The following GALNTL6 variants were observed in gnomAD, a reference collection of about 807,000 sequenced individuals.
GALNTL6 encodes the protein polypeptide N-acetylgalactosaminyltransferase-like 6.
Under a neutral mutation model 73.7 loss-of-function variants are expected in GALNTL6, and 46 were observed. That is an observed-to-expected ratio of 0.62 (90% confidence interval 0.49 to 0.80). GALNTL6 has a LOEUF of 0.80. GALNTL6 is among the 30% of genes least tolerant of loss of function. GALNTL6 has a pLI of 0.00. For missense variants in GALNTL6, 604 were observed against 755.0 expected, an observed-to-expected ratio of 0.80 and a Z score of 2.34; for synonymous variants, 259 against 263.7, an observed-to-expected ratio of 0.98 and a Z score of 0.17.
intron 5 of GALNTL6, among the ~76,000 whole-genome samples, chr4:172,661,733 T>C (rs984091932): frequency 6.6e-6 from 1 of 152,178 alleles, no homozygotes. Context: ...GCTCCAGTAA[T>C]GTTCCAGGAC....
chr4:172,860,478 G>T (rs1401602936), intron 7 of GALNTL6, among the ~76,000 whole-genome samples: 3 of 152,006 alleles, frequency 2.0e-5, no homozygotes, highest in Non-Finnish European at 4.4e-5. Context: ...CAACAAAAAA[G>T]TACATTTATT....
At chr4:172,428,931 A>T (rs1474756010) in intron 5 of GALNTL6, among the ~76,000 whole-genome samples, 2 of 152,102 alleles carry the variant, frequency 1.3e-5, no homozygotes, top group Non-Finnish European at 2.9e-5. Context: ...GCTCATAAAA[A>T]ACAGAAATTT....
chr4:172,830,223 T>C (rs1358264487), intron 7 of GALNTL6, among the ~76,000 whole-genome samples: 1 of 152,202 alleles, frequency 6.6e-6, no homozygotes, highest in East Asian at 1.9e-4. Flanking sequence ...AATTCTTATA[T>C]ATAATCAGGG....
At chr4:171,941,325 A>G (rs548871539) in intron 2 of GALNTL6, among the ~76,000 whole-genome samples, 1 of 152,346 alleles carries the variant, frequency 6.6e-6, no homozygotes, top group South Asian at 2.1e-4. Flanking sequence ...TTGAAAAAAA[A>G]GAAAAATTAG....
At chr4:172,147,574 A>G (rs1028482268) in intron 2 of GALNTL6, among the ~76,000 whole-genome samples, 11 of 152,206 alleles carry the variant, frequency 7.2e-5, no homozygotes, top group Non-Finnish European at 1.6e-4. Context: ...AGAGGTGCCA[A>G]TTCTATCATT....
chr4:172,254,509 A>G (rs796530856), intron 3 of GALNTL6, among the ~76,000 whole-genome samples: 3 of 151,330 alleles, frequency 2.0e-5, no homozygotes, highest in Admixed American at 1.3e-4. Flanking sequence ...CATATCACAC[A>G]CCCATGCCCA....
At chr4:172,230,531 A>T (rs1737023178) in intron 3 of GALNTL6, among the ~76,000 whole-genome samples, 1 of 151,290 alleles carries the variant, frequency 6.6e-6, no homozygotes, top group Admixed American at 6.6e-5. Flanking sequence ...CAGTGAGCCG[A>T]GATCGCACCA....
chr4:171,817,663 A>G (rs1395756449), intron 2 of GALNTL6, among the ~76,000 whole-genome samples: 1 of 151,736 alleles, frequency 6.6e-6, no homozygotes, highest in Non-Finnish European at 1.5e-5. Flanking sequence ...ATTTTCTAAT[A>G]TTTTAAAATC....
intron 10 of GALNTL6, among the ~76,000 whole-genome samples, chr4:172,983,243 T>C (rs1425527303): frequency 6.6e-6 from 1 of 152,064 alleles, no homozygotes; most frequent in Non-Finnish European, 1.5e-5. Context: ...AAGAACGTAA[T>C]CTCCCCTAGA....
At position 172,549,331 on chromosome 4, in the gene GALNTL6, C is replaced by A. The variant is rs192774733; in HGVS notation, c.553+200642C>A. ...ATCCTACATTTTTCTGACACTCTTA[C>A]CACATTGTACTGCAAAGCAGTTTAA... On this transcript the variant is annotated intron_variant, in intron 5 of 12. Transcript: ENST00000506823. Among the ~76,000 whole-genome samples, 7 of 152,252 alleles carry A rather than the reference C, an allele frequency of 4.6e-5. No homozygotes were observed. In the South Asian group the frequency reaches 1.5e-3, roughly 32 times the overall value.
chr4:172,171,537 T>C (rs1734826081), intron 2 of GALNTL6, among the ~76,000 whole-genome samples: 1 of 151,952 alleles, frequency 6.6e-6, no homozygotes, highest in Non-Finnish European at 1.5e-5. Flanking sequence ...TCAAAAGATG[T>C]AGGGCAGGAG....
intron 2 of GALNTL6, among the ~76,000 whole-genome samples, chr4:171,871,091 A>G (rs1444166928): frequency 6.6e-6 from 1 of 152,204 alleles, no homozygotes; most frequent in Non-Finnish European, 1.5e-5. Flanking sequence ...TGTAATAATA[A>G]AATAGTGAAC....
Position 172,147,311 on chromosome 4 carries a change from T to C in GALNTL6, c.139-82345T>C, listed in dbSNP as rs534901895. On this transcript the variant is annotated intron_variant, in intron 2 of 12. Coordinates refer to ENST00000506823, the MANE Select transcript of GALNTL6 (RefSeq NM_001034845.3). The stretch of plus-strand genomic sequence containing the variant: ...AGCATAAAGGAACAATACCCCATTA[T>C]GCAAAATGTTGAGGATTCTCATTAT... 3.3e-4 allele frequency among the ~76,000 whole-genome samples: 51 copies of C among 152,342 alleles called. 1 individual carries two copies. In the East Asian group the frequency reaches 9.6e-3, roughly 29 times the overall value.
In GALNTL6 at chr4:172,978,084, C is replaced by T. The variant is rs531959995; in HGVS notation, c.1371+25826C>T. On this transcript the variant is annotated intron_variant, in intron 10 of 12. Coordinates refer to ENST00000506823, the MANE Select transcript of GALNTL6 (RefSeq NM_001034845.3). ...TCAAAACTCCTGACCTCAGGTGTTC[C>T]GTCCGCCTTGGCTTCCCAAAGTGCT... Among the ~76,000 whole-genome samples, 10 of 152,210 alleles carry T rather than the reference C, an allele frequency of 6.6e-5. No homozygotes were observed. The East Asian group carries it at 1.9e-3, about 29-fold the overall frequency.
At chr4:172,038,187 T>A (rs1207451323) in intron 2 of GALNTL6, among the ~76,000 whole-genome samples, 2 of 152,114 alleles carry the variant, frequency 1.3e-5, no homozygotes, top group Non-Finnish European at 2.9e-5. Context: ...CAGCCTTATT[T>A]GCAAATTCTA....
intron 2 of GALNTL6, among the ~76,000 whole-genome samples, chr4:172,012,793 C>T (rs1477535286): frequency 6.6e-6 from 1 of 151,930 alleles, no homozygotes; most frequent in Admixed American, 6.6e-5. Flanking sequence ...GAGGACTCAG[C>T]TTTGGTAAAG....
intron 5 of GALNTL6, among the ~76,000 whole-genome samples, chr4:172,793,951 G>A (rs757394428): frequency 2.3e-4 from 35 of 151,036 alleles, no homozygotes; most frequent in East Asian, 1.9e-4. Flanking sequence ...TGTATTCTCC[G>A]AAGAACACCA....
intron 5 of GALNTL6, among the ~76,000 whole-genome samples, chr4:172,533,619 G>A (rs963479246): frequency 4.6e-5 from 7 of 151,916 alleles, no homozygotes; most frequent in Admixed American, 6.6e-5. Context: ...CACCACACTC[G>A]CCAGTAATAA....
intron 2 of GALNTL6, among the ~76,000 whole-genome samples, chr4:172,058,860 T>A (rs1731109383): frequency 1.3e-5 from 2 of 152,202 alleles, no homozygotes; most frequent in Admixed American, 6.5e-5. Context: ...AGGGAACATT[T>A]AGAAGACGGT....
Sources: gnomAD v4.1 joint callset for allele counts (sites outside exome capture counted in the v4.1 genomes callset) on GRCh38, gnomAD v4.1.1 for gene constraint, MANE v1.5 for transcripts, NCBI Gene and HGNC (gene_info 2026-07-23, HGNC 2026-07-21) for gene names.